The following VPS50 variants were observed in gnomAD, a reference collection of about 807,000 sequenced individuals.
VPS50 encodes VPS50 subunit of EARP/GARPII complex.
VPS50 carries 70 observed loss-of-function variants against 139.7 expected under a neutral mutation model. The ratio of observed to expected loss-of-function variants is 0.50; its 90% CI spans 0.41 to 0.61. The LOEUF (loss-of-function observed/expected upper bound fraction) is 0.61, where lower values mean the gene tolerates loss of function less well. Among genes scored for constraint, VPS50 ranks in the 20% least tolerant of loss-of-function variants. The probability of loss-of-function intolerance (pLI) is 0.00; values close to 1 mark genes in which losing one functional copy is unlikely to be tolerated. For synonymous variants in VPS50, 365 were observed against 376.7 expected (o/e 0.97, Z 0.36); for missense variants, 921 against 1,133.7 (o/e 0.81, Z 2.69).
At chr7:93,322,390 G>C (rs1017186433) in intron 20 of VPS50, among the ~76,000 whole-genome samples, 6 of 151,966 alleles carry the variant, frequency 3.9e-5, no homozygotes, top group Middle Eastern at 3.4e-3. Flanking sequence ...ACGAGGTCAG[G>C]AGATCGAGAC....
chr7:93,288,501 T>C (rs928400148), intron 12 of VPS50, among the ~76,000 whole-genome samples: 3 of 152,150 alleles, frequency 2.0e-5, no homozygotes, highest in African/African-American at 7.2e-5. Context: ...TTCCTAGAAG[T>C]AGAATTGCTA....
chr7:93,308,182 G>T (rs1489821663), intron 18 of VPS50, among the ~76,000 whole-genome samples: 1 of 151,738 alleles, frequency 6.6e-6, no homozygotes, highest in Non-Finnish European at 1.5e-5. Context: ...TTCCTTTACT[G>T]TGTGCATGAA....
intron 2 of VPS50, chr7:93,246,177 G>A: frequency 1.7e-6 from 2 of 1,145,698 alleles, no homozygotes; most frequent in South Asian, 2.8e-5. Flanking sequence ...GATTTTTTAT[G>A]TTGACGAATG....
At chr7:93,336,465 C>T (rs1584482591) in intron 22 of VPS50, among the ~76,000 whole-genome samples, 1 of 152,290 alleles carries the variant, frequency 6.6e-6, no homozygotes, top group Non-Finnish European at 1.5e-5. Context: ...TTTTAGTTAT[C>T]CATTTGGTTA....
At chr7:93,242,290 G>A (rs539994136) in intron 2 of VPS50, among the ~76,000 whole-genome samples, 59 of 151,752 alleles carry the variant, frequency 3.9e-4, no homozygotes, top group African/African-American at 1.4e-3. Flanking sequence ...TTCAAGCAGG[G>A]GTAAGGCGAT....
intron 2 of VPS50, among the ~76,000 whole-genome samples, chr7:93,243,771 A>T (rs1795066683): frequency 1.3e-5 from 2 of 151,888 alleles, no homozygotes; most frequent in Non-Finnish European, 2.9e-5. Context: ...ACTTATTTGG[A>T]CTGTGTTTGA....
chr7:93,336,881 A>G (rs1798082824), intron 22 of VPS50, among the ~76,000 whole-genome samples: 1 of 152,208 alleles, frequency 6.6e-6, no homozygotes. Flanking sequence ...CATAAATATG[A>G]ATTCTCTTTG....
chr7:93,260,569 CTT>C (rs1457734039), intron 9 of VPS50, among the ~76,000 whole-genome samples: 7 of 150,690 alleles, frequency 4.6e-5, no homozygotes, highest in Non-Finnish European at 1.0e-4. Context: ...TATTACAAGT[CTT>C]TGCTGGTTAT....
chr7:93,304,330 A>G (rs914275119), intron 17 of VPS50, among the ~76,000 whole-genome samples: 2 of 151,760 alleles, frequency 1.3e-5, no homozygotes, highest in African/African-American at 2.4e-5. Context: ...ATACATAATT[A>G]CAAGTTTTTT....
At chr7:93,292,562 A>G (rs868615861) in intron 13 of VPS50, among the ~76,000 whole-genome samples, 1 of 152,176 alleles carries the variant, frequency 6.6e-6, no homozygotes, top group Non-Finnish European at 1.5e-5. Context: ...AAAATAAATT[A>G]TACTGCACAT....
At chr7:93,297,723 C>T (rs1796852747) in intron 16 of VPS50, among the ~76,000 whole-genome samples, 1 of 152,180 alleles carries the variant, frequency 6.6e-6, no homozygotes, top group East Asian at 1.9e-4. Flanking sequence ...CTTTGCAAAA[C>T]AATCACTGCT....
chr7:93,244,326 A>G lies in VPS50; in HGVS notation c.102+4392A>G, dbSNP rs16868386. Among the ~76,000 whole-genome samples the G allele has an allele frequency of 9.4e-3, 1,430 of 152,002 alleles. 22 individuals carry two copies. Among genetic ancestry groups the G allele is most frequent in the African/African-American group, 0.03 (1,263 of 41,500 alleles). On this transcript the variant is annotated intron_variant, in intron 2 of 27. Coordinates refer to ENST00000305866, the MANE Select transcript of VPS50 (RefSeq NM_017667.4). The stretch of plus-strand genomic sequence containing the variant: ...ATAAACCGATTTGACTTGACTTCTT[A>G]AAATCCATTAAAAGAATCCTAAAAC...
At chr7:93,337,303 G>C (rs944443489) in intron 22 of VPS50, among the ~76,000 whole-genome samples, 2 of 152,186 alleles carry the variant, frequency 1.3e-5, no homozygotes, top group African/African-American at 4.8e-5. Context: ...AGCTCCCTGA[G>C]TAGAAGGGAA....
chr7:93,330,163 T>G (rs1432374100), intron 21 of VPS50, among the ~76,000 whole-genome samples: 1 of 152,196 alleles, frequency 6.6e-6, no homozygotes, highest in East Asian at 1.9e-4. Context: ...TTGCAAGATT[T>G]CTGTATATTA....
At chr7:93,283,888 G>A (rs1412348451) in intron 12 of VPS50, among the ~76,000 whole-genome samples, 4 of 152,088 alleles carry the variant, frequency 2.6e-5, no homozygotes, top group South Asian at 2.1e-4. Context: ...TTTTTAGTAT[G>A]GTGGTTTGGT....
intron 12 of VPS50, among the ~76,000 whole-genome samples, chr7:93,281,268 T>A (rs1310111604): frequency 6.6e-6 from 1 of 152,226 alleles, no homozygotes; most frequent in African/African-American, 2.4e-5. Flanking sequence ...GATACTGAAT[T>A]ATAATCATGT....
intron 9 of VPS50, among the ~76,000 whole-genome samples, chr7:93,264,771 G>T (rs1418250994): frequency 6.6e-6 from 1 of 152,156 alleles, no homozygotes; most frequent in South Asian, 2.1e-4. Flanking sequence ...AGGTGTGCCT[G>T]CTTTCTTCCT....
At position 93,253,897 on chromosome 7, in the gene VPS50, C is replaced by T. The variant is rs185236240; in HGVS notation, c.263C>T (p.Ala88Val). ...PPVLNLQELE[A>V]YRDKLKQQQA... Reference sequence around the variant, plus strand: ...GTTCTCAATTTGCAAGAATTAGAGGCGTATAGAGACAAATTGAAACAACAG... The same window carrying T: ...GTTCTCAATTTGCAAGAATTAGAGGTGTATAGAGACAAATTGAAACAACAG... The change falls in exon 4 of 28, where the codon GCG (alanine) becomes GTG (valine). Residue 88 changes from alanine (A) to valine (V), a missense_variant. Ala to Val is a moderately conservative substitution (Grantham distance 64). This residue lies in a region of VPS50 where 744 missense variants were observed against 930.6 expected (regional missense o/e 0.80). Coordinates refer to ENST00000305866, the MANE Select transcript of VPS50 (RefSeq NM_017667.4). 1.3e-4 allele frequency: 211 copies of T among 1,597,728 alleles called. No individual in the cohort carries two copies. The highest frequency in any genetic ancestry group is 8.5e-4 in the East Asian group (38 of 44,690).
intron 12 of VPS50, among the ~76,000 whole-genome samples, chr7:93,284,643 G>T (rs898712332): frequency 6.6e-6 from 1 of 152,176 alleles, no homozygotes; most frequent in East Asian, 1.9e-4. Context: ...TGAATCCAGT[G>T]AGTTGCAAGG....
Sources: allele counts gnomAD v4.1 joint callset (sites outside exome capture counted in the v4.1 genomes callset), GRCh38; gene constraint gnomAD v4.1.1; regional missense constraint gnomAD v4.1.1; transcripts MANE v1.5; gene names NCBI Gene and HGNC (gene_info 2026-07-23, HGNC 2026-07-21).